Variants in TENM2 observed in about 807,000 individuals in gnomAD.
The protein encoded by TENM2 is teneurin transmembrane protein 2, also known as teneurin-2.
TENM2 carries 52 observed loss-of-function variants against 245.2 expected under a neutral mutation model. The ratio of observed to expected loss-of-function variants is 0.21; its 90% CI spans 0.17 to 0.27. TENM2 has a LOEUF of 0.27. Among genes scored for constraint, TENM2 ranks in the 10% least tolerant of loss-of-function variants. The pLI, the probability that TENM2 is intolerant of heterozygous loss-of-function variation, is 1.00. For missense variants in TENM2, 3,046 were observed against 3,666.8 expected, an observed-to-expected ratio of 0.83 and a Z score of 4.37; for synonymous variants, 1,363 against 1,438.9, an observed-to-expected ratio of 0.95 and a Z score of 1.19.
chr5:167,086,367 G>A, the TENM2 span, among the ~76,000 whole-genome samples: 2 of 152,132 alleles, frequency 1.3e-5, no homozygotes, highest in Admixed American at 6.5e-5. Flanking sequence ...TGGGACATGC[G>A]TATCTTGGTG....
At chr5:167,220,930 G>A in the TENM2 span, among the ~76,000 whole-genome samples, 4 of 151,832 alleles carry the variant, frequency 2.6e-5, no homozygotes, top group Non-Finnish European at 4.4e-5. Flanking sequence ...GGGTTCAAGC[G>A]ATTCCCCTGC....
chr5:167,780,683 T>C (rs901628500), intron 2 of TENM2, among the ~76,000 whole-genome samples: 3 of 152,152 alleles, frequency 2.0e-5, no homozygotes, highest in South Asian at 4.1e-4. Flanking sequence ...TTAAATATGG[T>C]GTCTTTAAAC....
chr5:167,368,964 G>A (rs573988999), intron 1 of TENM2, among the ~76,000 whole-genome samples: 1 of 152,080 alleles, frequency 6.6e-6, no homozygotes, highest in Non-Finnish European at 1.5e-5. Context: ...ATAAAAGTCC[G>A]GGATCCCCGC....
intron 6 of TENM2, among the ~76,000 whole-genome samples, chr5:168,056,748 G>A (rs566959778): frequency 2.6e-5 from 4 of 152,084 alleles, no homozygotes; most frequent in Admixed American, 6.5e-5. Context: ...TTCATGGTAC[G>A]TGTCCTATAC....
chr5:167,425,859 C>A (rs1023195986), intron 2 of TENM2, among the ~76,000 whole-genome samples: 1 of 152,170 alleles, frequency 6.6e-6, no homozygotes, highest in Non-Finnish European at 1.5e-5. Flanking sequence ...GAGTGCCTGA[C>A]AGTGAGTGCT....
intron 2 of TENM2, among the ~76,000 whole-genome samples, chr5:167,644,466 A>G (rs1323318769): frequency 1.3e-5 from 2 of 152,172 alleles, no homozygotes; most frequent in East Asian, 3.9e-4. Context: ...AGTGTTGAAA[A>G]AGAGTCAGTA....
intron 2 of TENM2, among the ~76,000 whole-genome samples, chr5:167,715,292 C>A (rs930243341): frequency 2.6e-5 from 4 of 152,120 alleles, no homozygotes; most frequent in Non-Finnish European, 5.9e-5. Context: ...TTACAATAAT[C>A]TAAAATTCAA....
At chr5:167,497,370 TA>T (rs1768886828) in intron 2 of TENM2, among the ~76,000 whole-genome samples, 1 of 152,134 alleles carries the variant, frequency 6.6e-6, no homozygotes. Context: ...TGAATTATTC[TA>T]AAAAGATGTT....
rs189921897 is a variant in TENM2 at position 167,822,915 on chromosome 5, G to A, written c.503-53071G>A. 1.5e-3 allele frequency among the ~76,000 whole-genome samples: 223 copies of A among 152,304 alleles called. 2 individuals carry two copies. The highest frequency in any genetic ancestry group is 1.2e-3 in the East Asian group (6 of 5,182). On this transcript the variant is annotated intron_variant, in intron 2 of 28. Coordinates refer to ENST00000518659, the Ensembl canonical transcript of TENM2. ...TCTTCAGGACAAGAAAAGAACGGACGTTGGAACCATTTGTTAGGTGATAAA... is the reference window on the plus strand; with the variant it reads ...TCTTCAGGACAAGAAAAGAACGGACATTGGAACCATTTGTTAGGTGATAAA...
intron 2 of TENM2, among the ~76,000 whole-genome samples, chr5:167,762,844 A>G (rs1561752392): frequency 6.6e-6 from 1 of 152,250 alleles, no homozygotes; most frequent in Admixed American, 6.5e-5. Flanking sequence ...AAGAATTTCT[A>G]CAAGTCCTCT....
chr5:167,450,096 A>C (rs1263805982), intron 2 of TENM2, among the ~76,000 whole-genome samples: 3 of 152,166 alleles, frequency 2.0e-5, no homozygotes, highest in African/African-American at 7.2e-5. Flanking sequence ...ACTTTTAAAT[A>C]TCTTTATATT....
At chr5:167,599,683 G>A (rs539421196) in intron 2 of TENM2, among the ~76,000 whole-genome samples, 7 of 152,220 alleles carry the variant, frequency 4.6e-5, no homozygotes, top group African/African-American at 1.4e-4. Flanking sequence ...AGATGGTTTT[G>A]TTGGGTTTTT....
At chr5:167,545,011 C>G (rs1302493100) in intron 2 of TENM2, among the ~76,000 whole-genome samples, 1 of 151,760 alleles carries the variant, frequency 6.6e-6, no homozygotes, top group Non-Finnish European at 1.5e-5. Flanking sequence ...GCTCAGTGAC[C>G]CTTTTCAAGT....
In TENM2 at chr5:167,431,952, T is replaced by C. The variant is rs1046338591; in HGVS notation, c.502+56479T>C. Reference sequence around the variant, plus strand: ...ACATATATATATACATATATATGTATATATATATGTATATATATATATATA... The same window carrying C: ...ACATATATATATACATATATATGTACATATATATGTATATATATATATATA... On this transcript the variant is annotated intron_variant, in intron 2 of 28. Coordinates refer to ENST00000518659, the Ensembl canonical transcript of TENM2. Among the ~76,000 whole-genome samples, 19 of 66,894 alleles carry C rather than the reference T, an allele frequency of 2.8e-4. 1 individual carries two copies. Among genetic ancestry groups the C allele is most frequent in the Admixed American group, 8.9e-4 (5 of 5,604 alleles). 43.9% of individuals were successfully genotyped at this position (66,894 alleles called of 152,430 possible). A position where few individuals can be genotyped will look rare whatever the true frequency, so the allele number is the denominator to read the frequency against.
intron 3 of TENM2, among the ~76,000 whole-genome samples, chr5:167,879,122 G>A (rs1450899610): frequency 6.6e-6 from 1 of 152,142 alleles, no homozygotes; most frequent in Non-Finnish European, 1.5e-5. Context: ...ATAAACTACA[G>A]GAACGAAAAT....
the TENM2 span, among the ~76,000 whole-genome samples, chr5:167,257,454 G>A: frequency 6.6e-6 from 1 of 151,710 alleles, no homozygotes; most frequent in Non-Finnish European, 1.5e-5. Context: ...TAAATCTTTG[G>A]GTATATCCTA....
At chr5:167,840,114 C>G (rs1769367925) in intron 2 of TENM2, among the ~76,000 whole-genome samples, 1 of 152,260 alleles carries the variant, frequency 6.6e-6, no homozygotes, top group African/African-American at 2.4e-5. Context: ...AGCCACCACA[C>G]CCAACCCAAA....
intron 2 of TENM2, among the ~76,000 whole-genome samples, chr5:167,749,202 A>G (rs1371381580): frequency 6.6e-6 from 1 of 152,220 alleles, no homozygotes; most frequent in Non-Finnish European, 1.5e-5. Flanking sequence ...GACAAAGACT[A>G]TACAAGGCAT....
At chr5:167,232,375 C>T in the TENM2 span, among the ~76,000 whole-genome samples, 1 of 140,914 alleles carries the variant, frequency 7.1e-6, no homozygotes, top group South Asian at 2.2e-4. Context: ...TCTTTTCTTT[C>T]TTTTTTTTTT....
Sources: gnomAD v4.1 joint callset for allele counts (sites outside exome capture counted in the v4.1 genomes callset) on GRCh38, gnomAD v4.1.1 for gene constraint, MANE v1.5 for transcripts, NCBI Gene and HGNC (gene_info 2026-07-23, HGNC 2026-07-21) for gene names.